The following TMED2 variants were observed in gnomAD, a reference collection of about 807,000 sequenced individuals.
TMED2 encodes transmembrane p24 trafficking protein 2, also known as transmembrane emp24 domain-containing protein 2.
TMED2 carries 3 observed loss-of-function variants against 17.5 expected under a neutral mutation model. The observed-to-expected ratio is 0.17, with a 90% CI of 0.08 to 0.44. The LOEUF (loss-of-function observed/expected upper bound fraction) is 0.44. Ranked by LOEUF, TMED2 falls within the 20% of genes least tolerant of loss-of-function variation. The pLI, the probability that TMED2 is intolerant of heterozygous loss-of-function variation, is 0.99. For missense variants in TMED2, 149 were observed against 254.8 expected, an observed-to-expected ratio of 0.58 and a Z score of 2.83; for synonymous variants, 95 against 91.0, an observed-to-expected ratio of 1.04 and a Z score of -0.25.
Position 123,584,690 on chromosome 12 carries a change from C to T in TMED2, c.54C>T (p.Val18=), listed in dbSNP as rs771144090. The part of the protein sequence containing the change: ...LVLLAALLAT[V]SGYFVSIDAH... ...TTCTGGCCGCTCTCCTGGCCACGGT[C>T]TCGGGCTATTTCGTTAGCATCGACG... Residue 18 remains valine (V), a synonymous_variant, in exon 1 of 4, where the codon GTC becomes GTT. Coordinates refer to ENST00000262225, the MANE Select transcript of TMED2 (RefSeq NM_006815.4). The T allele has an allele frequency of 1.9e-6, 3 of 1,613,778 alleles. No homozygotes were observed. Among genetic ancestry groups the T allele is most frequent in the Non-Finnish European group, 2.5e-6 (3 of 1,179,876 alleles).
intron 2 of TMED2, 31 bp from the exon 3 acceptor site, chr12:123,590,311 A>G (rs1246627376): frequency 6.5e-7 from 1 of 1,531,382 alleles, no homozygotes; most frequent in South Asian, 1.2e-5. Flanking sequence ...AGACATTGAC[A>G]AATGTGTTTT....
chr12:123,587,380 G>A (rs1953358546), intron 2 of TMED2, among the ~76,000 whole-genome samples: 1 of 152,068 alleles, frequency 6.6e-6, no homozygotes, highest in Non-Finnish European at 1.5e-5. Context: ...CACCTGCCTC[G>A]GCCTTCTGAA....
intron 2 of TMED2, among the ~76,000 whole-genome samples, chr12:123,587,820 T>G (rs370304497): frequency 6.6e-6 from 1 of 152,284 alleles, no homozygotes; most frequent in East Asian, 1.9e-4. Context: ...GAGGTATAGG[T>G]TAGGTTATTT....
rs7965292 is a variant in TMED2 at position 123,597,232 on chromosome 12, G to T, written c.*503G>T. 0.062 allele frequency: 9,459 copies of T among 152,262 alleles called. 717 individuals are homozygous for T. The highest frequency in any genetic ancestry group is 0.18 in the African/African-American group (7,426 of 41,498). 9.4% of individuals were successfully genotyped at this position (152,262 alleles called of 1,614,324 possible). ...CTAATGGCAGAGCTCTCTGACTTGGGTGTATGCTGCCAGGCTGGGTACTTT... is the reference window on the plus strand; with the variant it reads ...CTAATGGCAGAGCTCTCTGACTTGGTTGTATGCTGCCAGGCTGGGTACTTT... On this transcript the variant is annotated 3_prime_UTR_variant, in exon 4 of 4. Coordinates refer to ENST00000262225, the MANE Select transcript of TMED2 (RefSeq NM_006815.4).
intron 1 of TMED2, among the ~76,000 whole-genome samples, chr12:123,585,361 C>T (rs905432204): frequency 6.6e-6 from 1 of 152,168 alleles, no homozygotes; most frequent in Non-Finnish European, 1.5e-5. Context: ...CTACTCTTTA[C>T]GCCTCCAGCT....
intron 3 of TMED2, among the ~76,000 whole-genome samples, chr12:123,593,259 T>G (rs1304632148): frequency 1.4e-5 from 2 of 146,764 alleles, no homozygotes; most frequent in Non-Finnish European, 3.0e-5. Flanking sequence ...CTGGTTTTTG[T>G]TGTTTTTTTT....
rs1242765829 is a variant in TMED2, at chr12:123,586,759, G to A, written c.193G>A (p.Asp65Asn). ...LDIDVEITGP[D>N]NKGIYKGDRE... ...CTCTTGCCTCCAGATTACAGGACCAGATAACAAAGGAATTTACAAAGGAGA... is the reference window on the plus strand; with the variant it reads ...CTCTTGCCTCCAGATTACAGGACCAAATAACAAAGGAATTTACAAAGGAGA... The change falls in exon 2 of 4, where the codon GAT becomes AAT. Residue 65 changes from aspartate (D) to asparagine (N), a missense_variant. Asp to Asn is a conservative substitution (Grantham distance 23). Transcript: ENST00000262225. The A allele has an allele frequency of 1.9e-6, 3 of 1,600,044 alleles. No homozygotes were observed. Among genetic ancestry groups the A allele is most frequent in the Non-Finnish European group, 2.6e-6 (3 of 1,172,772 alleles).
rs1486744164 is a variant in TMED2, at chr12:123,596,623, G to C, written c.500G>C (p.Ser167Thr). 11 of 1,610,028 alleles carry C rather than the reference G, an allele frequency of 6.8e-6. No homozygotes were observed. Among genetic ancestry groups the C allele is most frequent in the Non-Finnish European group, 9.3e-6 (11 of 1,178,702 alleles). ...TCAACAGTCAACGACAACACAAACA[G>C]CAGAGTGGTCCTTTGGTCCTTCTTT... Reference protein sequence around the residue: ...IHRAINDNTNSRVVLWSFFEA... With the variant: ...IHRAINDNTNTRVVLWSFFEA... Residue 167 changes from serine (S) to threonine (T), a missense_variant, in exon 4 of 4, where the codon AGC becomes ACC. Ser to Thr is a moderately conservative substitution (Grantham distance 58). Transcript: ENST00000262225.
intron 3 of TMED2, among the ~76,000 whole-genome samples, chr12:123,592,431 A>G (rs188882194): frequency 3.3e-5 from 3 of 90,922 alleles, no homozygotes; most frequent in Middle Eastern, 4.5e-3. Flanking sequence ...CACAGTGGCC[A>G]GAGGAAGCAC....
At chr12:123,596,531 TA>T (rs1414392714) in intron 3 of TMED2, 73 bp from the exon 4 acceptor site, 3 of 1,526,920 alleles carry the variant, frequency 2.0e-6, no homozygotes, top group Non-Finnish European at 2.6e-6. Flanking sequence ...GAGTGAAGAC[TA>T]AAATATTTAT....
In TMED2 at chr12:123,586,729, T is replaced by C; in HGVS notation, c.181-18T>C. ...TTAATCTTTTGTGACATTTTATGCA[T>C]TTCTCTCTTGCCTCCAGATTACAGG... On this transcript the variant is annotated intron_variant, in intron 1 of 3. Transcript: ENST00000262225. 1 of 1,568,290 alleles carries C rather than the reference T, an allele frequency of 6.4e-7. No individual in the cohort carries two copies. Among genetic ancestry groups the C allele is most frequent in the South Asian group, 1.2e-5 (1 of 85,162 alleles).
At chr12:123,584,931 G>A (rs1886310437) in intron 1 of TMED2, 115 bp downstream of exon 1, 2 of 1,345,302 alleles carry the variant, frequency 1.5e-6, no homozygotes, top group African/African-American at 2.9e-5. Context: ...CGCTGTCCGA[G>A]TCCTGGAGAA....
chr12:123,596,466 G>A (rs1057291763), intron 3 of TMED2, 139 bp from the exon 4 acceptor site: 2 of 1,108,430 alleles, frequency 1.8e-6, no homozygotes, highest in South Asian at 2.2e-5. Context: ...TAACCCCATC[G>A]TAAGTTGAGG....
chr12:123,588,543 T>C (rs977809595), intron 2 of TMED2, among the ~76,000 whole-genome samples: 3 of 152,244 alleles, frequency 2.0e-5, no homozygotes, highest in Non-Finnish European at 4.4e-5. Flanking sequence ...AATGTGAATA[T>C]TGAACTTCTT....
At chr12:123,595,835 C>T (rs1478707007) in intron 3 of TMED2, among the ~76,000 whole-genome samples, 1 of 152,072 alleles carries the variant, frequency 6.6e-6, no homozygotes, top group Admixed American at 6.6e-5. Context: ...TCAAGACCAA[C>T]TTGGGCAACA....
chr12:123,593,764 C>T (rs971402409), intron 3 of TMED2, among the ~76,000 whole-genome samples: 2 of 152,278 alleles, frequency 1.3e-5, no homozygotes, highest in East Asian at 1.9e-4. Flanking sequence ...TCCCAAAGTG[C>T]TGGGATTACA....
intron 3 of TMED2, among the ~76,000 whole-genome samples, chr12:123,591,559 G>A (rs1386610157): frequency 2.0e-5 from 3 of 151,950 alleles, no homozygotes; most frequent in East Asian, 1.9e-4. Context: ...TGAGGTGGGC[G>A]GATCACAAGG....
At chr12:123,596,238 AT>A (rs1210500156) in intron 3 of TMED2, among the ~76,000 whole-genome samples, 1 of 152,218 alleles carries the variant, frequency 6.6e-6, no homozygotes, top group East Asian at 1.9e-4. Flanking sequence ...AAAATAGAAA[AT>A]AATAATAAAA....
rs896420944 is a variant in TMED2 at position 123,595,684 on chromosome 12, G to A, written c.482-921G>A. Among the ~76,000 whole-genome samples the A allele has an allele frequency of 1.2e-4, 18 of 151,962 alleles. 1 individual carries two copies. The highest frequency in any genetic ancestry group is 4.1e-4 in the African/African-American group (17 of 41,358). ...TTTAACCCTAGAATTATGACCTTGG[G>A]CAAGTCACATTTTCTTCTCTGCTCC... On this transcript the variant is annotated intron_variant, in intron 3 of 3. Coordinates refer to ENST00000262225, the MANE Select transcript of TMED2 (RefSeq NM_006815.4).
Sources: allele counts gnomAD v4.1 joint callset (sites outside exome capture counted in the v4.1 genomes callset), GRCh38; gene constraint gnomAD v4.1.1; transcripts MANE v1.5; gene names NCBI Gene and HGNC (gene_info 2026-07-23, HGNC 2026-07-21).